PLEKHA3: variants seen among roughly 807,000 people sequenced by gnomAD.
PLEKHA3 encodes the protein pleckstrin homology domain containing A3, also known as pleckstrin homology domain-containing family A member 3.
A neutral mutation model predicts 39.2 loss-of-function variants in PLEKHA3; 19 were observed. The ratio of observed to expected loss-of-function variants is 0.48; its 90% confidence interval spans 0.34 to 0.71. The LOEUF is 0.71. Ranked by LOEUF, PLEKHA3 falls within the 30% of genes least tolerant of loss-of-function variation. The probability of loss-of-function intolerance (pLI) is 0.01; values close to 1 mark genes in which losing one functional copy is unlikely to be tolerated. For synonymous variants in PLEKHA3, 97 were observed against 118.6 expected (o/e 0.82, Z 1.18); for missense variants, 253 against 359.5 (o/e 0.70, Z 2.40).
At position 178,489,451 on chromosome 2, in the gene PLEKHA3, CTTTTT is replaced by C. The variant is rs71023445; in HGVS notation, c.158-1188_158-1184del. ...GAATTTGTTTTCTTTTCTTTTCCTT[CTTTTT>C]TTTTTTTTTTTTTTTTTTTGAGACA... On this transcript the variant is annotated intron_variant, in intron 2 of 7. Coordinates refer to ENST00000234453, the MANE Select transcript of PLEKHA3 (RefSeq NM_019091.4). Among the ~76,000 whole-genome samples, 10 of 82,344 alleles carry C rather than the reference CTTTTT, an allele frequency of 1.2e-4. No individual in the cohort carries two copies. The East Asian group carries it at 2.5e-3, about 20-fold the overall frequency. The allele number at this position is 82,344 out of a possible 152,430, so 54.0% of individuals were successfully genotyped here. A position where few individuals can be genotyped will look rare whatever the true frequency, so the allele number is the denominator to read the frequency against.
At chr2:178,500,331 G>T (rs1685511085) in intron 6 of PLEKHA3, among the ~76,000 whole-genome samples, 1 of 152,036 alleles carries the variant, frequency 6.6e-6, no homozygotes, top group Non-Finnish European at 1.5e-5. Flanking sequence ...CCTTGTCAGG[G>T]AATCAAGAGT....
At chr2:178,490,432 A>G (rs1213969086) in intron 2 of PLEKHA3, among the ~76,000 whole-genome samples, 1 of 151,908 alleles carries the variant, frequency 6.6e-6, no homozygotes, top group African/African-American at 2.4e-5. Context: ...TCTTTTTCAT[A>G]CTCTGTCATC....
At position 178,495,037 on chromosome 2, in the gene PLEKHA3, A is replaced by T. The variant is rs75208011; in HGVS notation, c.451-459A>T. ...TCCCCCAGGATCAGGGCACTTTGCG[A>T]TCCTGAACAAAATTGGGCTTTTTAC... is the stretch of plus-strand genomic sequence containing the variant. On this transcript the variant is annotated intron_variant, in intron 4 of 7. Coordinates refer to ENST00000234453, the MANE Select transcript of PLEKHA3 (RefSeq NM_019091.4). Among the ~76,000 whole-genome samples the T allele has an allele frequency of 1.5e-3, 224 of 151,784 alleles. 5 individuals are homozygous for T. In the East Asian group the frequency reaches 0.037, roughly 25 times the overall value.
At chr2:178,499,629 A>AG (rs1482359571) in intron 6 of PLEKHA3, among the ~76,000 whole-genome samples, 1 of 152,098 alleles carries the variant, frequency 6.6e-6, no homozygotes, top group Non-Finnish European at 1.5e-5. Flanking sequence ...TTCCATGTTT[A>AG]GGTATGTTTA....
chr2:178,490,465 G>A (rs1051311618), intron 2 of PLEKHA3, among the ~76,000 whole-genome samples, 194 bp from the exon 3 acceptor site: 7 of 152,152 alleles, frequency 4.6e-5, no homozygotes, highest in African/African-American at 7.2e-5. Context: ...TTGTTACCCC[G>A]GGTCTATATG....
chr2:178,481,306 A>G (rs956161757), intron 1 of PLEKHA3, among the ~76,000 whole-genome samples: 1 of 152,254 alleles, frequency 6.6e-6, no homozygotes, highest in Non-Finnish European at 1.5e-5. Flanking sequence ...TGTTTCAACT[A>G]CAAGATTTAA....
chr2:178,489,123 T>C (rs1685303839), intron 2 of PLEKHA3: 1 of 320,330 alleles, frequency 3.1e-6, no homozygotes, highest in Non-Finnish European at 6.2e-6. Flanking sequence ...TCACTAGTAT[T>C]GGCAAGTAGC....
In PLEKHA3 at chr2:178,511,373, A is replaced by ATT. The variant is rs201467170; in HGVS notation, c.*7503_*7504dup. The ATT allele has an allele frequency of 5.8e-4, 77 of 132,208 alleles. No individual in the cohort carries two copies. The highest frequency in any genetic ancestry group is 2.2e-3 in the East Asian group (10 of 4,640). The allele number at this position is 132,208 out of a possible 1,614,324, so 8.2% of individuals were successfully genotyped here. ...TCCATCTCTGGAACTTTGATCTCTA[A>ATT]TTTTTTTTTTTTTTTTTTGAGACAG... On this transcript the variant is annotated 3_prime_UTR_variant, in exon 8 of 8. Coordinates refer to ENST00000234453, the MANE Select transcript of PLEKHA3 (RefSeq NM_019091.4).
In PLEKHA3 at chr2:178,511,508, G is replaced by A. The variant is rs962631240; in HGVS notation, c.*7621G>A. The A allele has an allele frequency of 2.0e-5, 3 of 151,986 alleles. No individual in the cohort carries two copies. Among genetic ancestry groups the A allele is most frequent in the Admixed American group, 6.6e-5 (1 of 15,260 alleles). 9.4% of individuals were successfully genotyped at this position (151,986 alleles called of 1,614,324 possible). ...CGTGACTCAACATCCCAAATAGCTG[G>A]GACTGTAGGCACGCACCACCATGCC... On this transcript the variant is annotated 3_prime_UTR_variant, in exon 8 of 8. Coordinates refer to ENST00000234453, the MANE Select transcript of PLEKHA3 (RefSeq NM_019091.4).
chr2:178,491,506 G>T (rs537550736), intron 3 of PLEKHA3, among the ~76,000 whole-genome samples: 4 of 152,236 alleles, frequency 2.6e-5, no homozygotes, highest in African/African-American at 9.6e-5. Flanking sequence ...AGTGGAATTT[G>T]TGGGAAGGAG....
chr2:178,502,806 ACG>A (rs143720616), intron 7 of PLEKHA3, among the ~76,000 whole-genome samples: 24,561 of 147,002 alleles, frequency 0.17, 2,594 homozygotes, highest in East Asian at 0.61. Flanking sequence ...ACACACACAC[ACG>A]CACGCACACA....
intron 4 of PLEKHA3, 115 bp from the exon 5 acceptor site, chr2:178,495,381 T>C: frequency 1.0e-6 from 1 of 988,122 alleles, no homozygotes; most frequent in Non-Finnish European, 1.5e-6. Context: ...TAAATAAATT[T>C]GAACATAACA....
rs908176582 is a variant in PLEKHA3 at position 178,504,613 on chromosome 2, G to A, written c.*726G>A. 2 of 152,224 alleles carry A rather than the reference G, an allele frequency of 1.3e-5. No homozygotes were observed. The highest frequency in any genetic ancestry group is 2.1e-4 in the South Asian group (1 of 4,818). 9.4% of individuals were successfully genotyped at this position (152,224 alleles called of 1,614,324 possible). Reference sequence around the variant, plus strand: ...AAGATGTGTATACGTTGTTCTTTACGTTGTTCTAGAAAAGAGATTTTAATG... The same window carrying A: ...AAGATGTGTATACGTTGTTCTTTACATTGTTCTAGAAAAGAGATTTTAATG... On this transcript the variant is annotated 3_prime_UTR_variant, in exon 8 of 8. Coordinates refer to ENST00000234453, the MANE Select transcript of PLEKHA3 (RefSeq NM_019091.4).
intron 2 of PLEKHA3, among the ~76,000 whole-genome samples, chr2:178,486,397 T>C (rs1011493740): frequency 3.3e-5 from 5 of 151,920 alleles, no homozygotes; most frequent in African/African-American, 1.2e-4. Context: ...TCAAAGAGAG[T>C]GAAGGAAAAA....
intron 1 of PLEKHA3, among the ~76,000 whole-genome samples, chr2:178,484,084 C>A (rs1685212622): frequency 6.6e-6 from 1 of 152,110 alleles, no homozygotes; most frequent in Non-Finnish European, 1.5e-5. Flanking sequence ...CTCAAAAAAC[C>A]AAACAAAACA....
At chr2:178,498,090 A>C (rs73036341) in intron 5 of PLEKHA3, among the ~76,000 whole-genome samples, 3,099 of 152,308 alleles carry the variant, frequency 0.02, 101 homozygotes, top group African/African-American at 0.07. Flanking sequence ...CACTTTATAT[A>C]GTTAATCTCA....
chr2:178,501,986 G>A (rs1685535086), intron 7 of PLEKHA3, among the ~76,000 whole-genome samples: 1 of 151,952 alleles, frequency 6.6e-6, no homozygotes, highest in Admixed American at 6.6e-5. Context: ...TTGTGGAAAT[G>A]ACATGATAAG....
chr2:178,504,035 C>T lies in PLEKHA3; in HGVS notation c.*148C>T. On this transcript the variant is annotated 3_prime_UTR_variant, in exon 8 of 8. Transcript: ENST00000234453. Reference sequence around the variant, plus strand: ...GACAAACAAGAAAACAAACCACATACTTTTGAAGTGTATTTTATCTTTATA... The same window carrying T: ...GACAAACAAGAAAACAAACCACATATTTTTGAAGTGTATTTTATCTTTATA... 1.3e-6 allele frequency: 1 copy of T among 770,058 alleles called. No individual in the cohort carries two copies. The highest frequency in any genetic ancestry group is 2.4e-5 in the South Asian group (1 of 42,218). The allele number at this position is 770,058 out of a possible 1,614,324, so 47.7% of individuals were successfully genotyped here.
Position 178,508,241 on chromosome 2 carries a change from C to T in PLEKHA3, c.*4354C>T, listed in dbSNP as rs1414508937. On this transcript the variant is annotated 3_prime_UTR_variant, in exon 8 of 8. Coordinates refer to ENST00000234453, the MANE Select transcript of PLEKHA3 (RefSeq NM_019091.4). ...TTCCTTAAGTTATATTATCTTTGTT[C>T]TTTTTGTTATCCTCCAGCTCTTCTG... 2.6e-5 allele frequency: 4 copies of T among 153,068 alleles called. No individual in the cohort carries two copies. Among genetic ancestry groups the T allele is most frequent in the Non-Finnish European group, 4.4e-5 (3 of 67,858 alleles). The allele number at this position is 153,068 out of a possible 1,614,324, so 9.5% of individuals were successfully genotyped here.
Sources: gnomAD v4.1 joint callset for allele counts (sites outside exome capture counted in the v4.1 genomes callset) on GRCh38, gnomAD v4.1.1 for gene constraint, MANE v1.5 for transcripts, NCBI Gene and HGNC (gene_info 2026-07-23, HGNC 2026-07-21) for gene names.